The following FAP variants were observed in gnomAD, a reference collection of about 807,000 sequenced individuals.
The protein encoded by FAP is fibroblast activation protein alpha.
A neutral mutation model predicts 126.5 loss-of-function variants in FAP; 110 were observed. The observed-to-expected ratio is 0.87, with a 90% CI of 0.74 to 1.02. The LOEUF is 1.02. Ranked by LOEUF, FAP falls within the 50% of genes least tolerant of loss-of-function variation. The pLI, the probability that FAP is intolerant of heterozygous loss-of-function variation, is 0.00. For synonymous variants in FAP, 334 were observed against 297.3 expected (o/e 1.12, Z -1.27); for missense variants, 919 against 909.2 (o/e 1.01, Z -0.14).
chr2:162,210,091 C>G, intron 11 of FAP, 95 bp from the exon 12 acceptor site: 2 of 993,412 alleles, frequency 2.0e-6, no homozygotes. Context: ...GCTGCCTGAT[C>G]AGAGTATACC....
At chr2:162,180,287 G>A (rs1687652440) in intron 21 of FAP, among the ~76,000 whole-genome samples, 1 of 152,150 alleles carries the variant, frequency 6.6e-6, no homozygotes, top group African/African-American at 2.4e-5. Flanking sequence ...AATTGTTTTG[G>A]AACGATAACT....
chr2:162,173,010 A>G (rs1036602191), intron 24 of FAP, 126 bp from the exon 25 acceptor site: 5 of 1,089,544 alleles, frequency 4.6e-6, no homozygotes, highest in Non-Finnish European at 7.1e-6. Context: ...AGCAGTGAGT[A>G]ATCACACTCA....
chr2:162,186,926 G>A (rs753206764), intron 20 of FAP, among the ~76,000 whole-genome samples: 22 of 152,000 alleles, frequency 1.4e-4, no homozygotes, highest in Non-Finnish European at 2.5e-4. Context: ...TAGTTGAAAG[G>A]CCAAAAGTCT....
intron 2 of FAP, among the ~76,000 whole-genome samples, chr2:162,232,297 C>T (rs141390616): frequency 0.012 from 1,839 of 152,248 alleles, 24 homozygotes; most frequent in South Asian, 0.023. Flanking sequence ...TTGTGGACAC[C>T]ATTTTACAGA....
At chr2:162,216,859 C>A (rs558810753) in intron 9 of FAP, among the ~76,000 whole-genome samples, 1 of 152,264 alleles carries the variant, frequency 6.6e-6, no homozygotes, top group Non-Finnish European at 1.5e-5. Context: ...CTCCACCTAA[C>A]GCCAGATGTT....
At chr2:162,220,876 C>T (rs1227661958) in intron 6 of FAP, among the ~76,000 whole-genome samples, 1 of 152,140 alleles carries the variant, frequency 6.6e-6, no homozygotes, top group African/African-American at 2.4e-5. Context: ...CGTGGGAAAG[C>T]AGAGCAAGAC....
Position 162,173,196 on chromosome 2 carries a change from T to G in FAP, c.2060A>C (p.Glu687Ala). ...AAGATAGTCTACATTTCTGAAATATTCTGCTCTTGCCATCACAGTTGAATT... is the reference window on the plus strand; with the variant it reads ...AAGATAGTCTACATTTCTGAAATATGCTGCTCTTGCCATCACAGTTGAATT... ...YKNSTVMARA[E>A]YFRNVDYLLI... The change falls in exon 24 of 26, where the codon GAA (glutamate) becomes GCA (alanine). Residue 687 changes from glutamate (E) to alanine (A), a missense_variant. Physicochemically the swap from Glu to Ala is moderately radical, Grantham distance 107. Transcript: ENST00000188790. 6.2e-7 allele frequency: 1 copy of G among 1,613,196 alleles called. No individual in the cohort carries two copies. The highest frequency in any genetic ancestry group is 8.5e-7 in the Non-Finnish European group (1 of 1,179,300).
At chr2:162,179,782 CTATCTATCTA>C (rs1213873558) in intron 21 of FAP, among the ~76,000 whole-genome samples, 97 of 68,260 alleles carry the variant, frequency 1.4e-3, no homozygotes, top group African/African-American at 4.0e-3. Flanking sequence ...ATCTATCTAT[CTATCTATCTA>C]TATATATATA....
At chr2:162,230,005 G>C (rs1181236699) in intron 2 of FAP, among the ~76,000 whole-genome samples, 7 of 152,154 alleles carry the variant, frequency 4.6e-5, no homozygotes, top group Non-Finnish European at 8.8e-5. Flanking sequence ...TGTGGGAATG[G>C]ATTTCAGGCA....
At chr2:162,194,541 A>T (rs80104681) in intron 17 of FAP, among the ~76,000 whole-genome samples, 160 bp downstream of exon 17, 1 of 152,166 alleles carries the variant, frequency 6.6e-6, no homozygotes, top group Non-Finnish European at 1.5e-5. Context: ...ATTTGACCCA[A>T]ATAATATCCA....
In FAP at chr2:162,198,887, G is replaced by A. The variant is rs766907917; in HGVS notation, c.1278-6C>T. The A allele has an allele frequency of 1.2e-6, 2 of 1,612,870 alleles. No homozygotes were observed. Among genetic ancestry groups the A allele is most frequent in the South Asian group, 1.1e-5 (1 of 91,056 alleles). Reference sequence around the variant, plus strand: ...GATAGCTTCCAATGCTAATTCTAGAGGGAAATGAAAATAAAACTAAGCTGA... The same window carrying A: ...GATAGCTTCCAATGCTAATTCTAGAAGGAAATGAAAATAAAACTAAGCTGA... On this transcript the variant is annotated splice_polypyrimidine_tract_variant and splice_region_variant and intron_variant, in intron 15 of 25. Transcript: ENST00000188790.
chr2:162,212,354 C>A (rs1688973196), intron 11 of FAP, among the ~76,000 whole-genome samples: 1 of 152,174 alleles, frequency 6.6e-6, no homozygotes, highest in Non-Finnish European at 1.5e-5. Flanking sequence ...TCACCCAAAG[C>A]TGACTAACCA....
At chr2:162,183,707 G>T (rs534575453) in intron 20 of FAP, 7 of 370,306 alleles carry the variant, frequency 1.9e-5, no homozygotes, top group Admixed American at 9.4e-5. Context: ...ATGTCAGAGC[G>T]GTATAAGGCC....
chr2:162,238,304 T>C (rs575986016), intron 2 of FAP, among the ~76,000 whole-genome samples: 1 of 152,324 alleles, frequency 6.6e-6, no homozygotes, highest in Admixed American at 6.5e-5. Flanking sequence ...GGCTCAGACT[T>C]TTGAATCTGG....
intron 6 of FAP, among the ~76,000 whole-genome samples, chr2:162,221,975 T>G (rs1425926912): frequency 6.6e-6 from 1 of 151,908 alleles, no homozygotes; most frequent in African/African-American, 2.4e-5. Flanking sequence ...CACCAAAAAA[T>G]CTGAAATACT....
intron 17 of FAP, 123 bp downstream of exon 17, chr2:162,194,578 T>C (rs1688173327): frequency 2.5e-6 from 2 of 792,406 alleles, no homozygotes. Flanking sequence ...AGTGATGTGA[T>C]AACAGGATTC....
chr2:162,172,090 T>C (rs1013662143), intron 25 of FAP: 1 of 152,210 alleles, frequency 6.6e-6, no homozygotes, highest in Admixed American at 6.6e-5. Flanking sequence ...AGTACATTTT[T>C]TAAAAACAAA....
In FAP at chr2:162,242,192, T is replaced by C. The variant is rs546026040; in HGVS notation, c.91+716A>G. On this transcript the variant is annotated intron_variant, in intron 2 of 25. Coordinates refer to ENST00000188790, the MANE Select transcript of FAP (RefSeq NM_004460.5). ...CTTCATAAATATTTTCATAAAAAGCTATTTCCCTAATATCACTAGATTATC... is the reference window on the plus strand; with the variant it reads ...CTTCATAAATATTTTCATAAAAAGCCATTTCCCTAATATCACTAGATTATC... Among the ~76,000 whole-genome samples the C allele has an allele frequency of 2.0e-5, 3 of 152,310 alleles. No individual in the cohort carries two copies. In the East Asian group the frequency reaches 5.8e-4, roughly 29 times the overall value.
chr2:162,209,577 A>ATT (rs139928746), intron 12 of FAP: 1 of 166,098 alleles, frequency 6.0e-6, no homozygotes. Flanking sequence ...TACCCAATGT[A>ATT]TTTTTTTTTG....
Sources: gnomAD v4.1 joint callset for allele counts (sites outside exome capture counted in the v4.1 genomes callset) on GRCh38, gnomAD v4.1.1 for gene constraint, MANE v1.5 for transcripts, NCBI Gene and HGNC (gene_info 2026-07-23, HGNC 2026-07-21) for gene names.